The following ITPR2 variants were observed in gnomAD, a reference collection of about 807,000 sequenced individuals.
ITPR2 encodes the protein inositol 1,4,5-trisphosphate receptor type 2, also known as inositol 1,4,5-trisphosphate-gated calcium channel ITPR2.
A neutral mutation model predicts 317.1 loss-of-function variants in ITPR2; 207 were observed. That is an observed-to-expected ratio of 0.65 (90% CI 0.58 to 0.73). ITPR2 has a LOEUF of 0.73. Among genes scored for constraint, ITPR2 ranks in the 30% least tolerant of loss-of-function variants. The pLI, the probability that ITPR2 is intolerant of heterozygous loss-of-function variation, is 0.00. For missense variants in ITPR2, 2,613 were observed against 3,284.0 expected, an observed-to-expected ratio of 0.80 and a Z score of 4.99; for synonymous variants, 1,156 against 1,149.1, an observed-to-expected ratio of 1.01 and a Z score of -0.12.
chr12:26,663,567 A>T, intron 15 of ITPR2, 118 bp downstream of exon 15: 1 of 1,003,482 alleles, frequency 1.0e-6, no homozygotes, highest in African/African-American at 1.6e-5. Flanking sequence ...CCAACATAAA[A>T]TATTTCATTT....
intron 37 of ITPR2, among the ~76,000 whole-genome samples, chr12:26,525,910 C>T (rs997849450): frequency 6.6e-6 from 1 of 152,176 alleles, no homozygotes; most frequent in African/African-American, 2.4e-5. Context: ...TAATTCAACC[C>T]TAAGCCCCAA....
intron 37 of ITPR2, among the ~76,000 whole-genome samples, chr12:26,500,897 A>T (rs1056896859): frequency 6.6e-6 from 1 of 152,212 alleles, no homozygotes; most frequent in Non-Finnish European, 1.5e-5. Flanking sequence ...TGAAGACTTC[A>T]AGGATGTGTG....
Position 26,656,576 on chromosome 12 carries a change from T to C in ITPR2, c.2193-28A>G, listed in dbSNP as rs745728753. The C allele has an allele frequency of 6.8e-6, 11 of 1,609,974 alleles. No homozygotes were observed. In the African/African-American group the frequency reaches 1.3e-4, roughly 20 times the overall value. ...TAAAAATGGTAAACATATTACATTA[T>C]TGTCTTATCTCAAGGAAATCTTTAA... On this transcript the variant is annotated intron_variant, in intron 18 of 56. Transcript: ENST00000381340.
intron 42 of ITPR2, 100 bp downstream of exon 42, chr12:26,483,598 T>A: frequency 1.2e-6 from 1 of 835,586 alleles, no homozygotes; most frequent in Non-Finnish European, 2.0e-6. Flanking sequence ...AGTAAAAATG[T>A]CTGGCAAAGC....
chr12:26,511,391 G>C (rs912951807), intron 37 of ITPR2, among the ~76,000 whole-genome samples: 1 of 152,170 alleles, frequency 6.6e-6, no homozygotes, highest in Non-Finnish European at 1.5e-5. Flanking sequence ...TTCTCCTTCA[G>C]AGTAAATTTA....
Position 26,440,217 on chromosome 12 carries a change from A to AAAC in ITPR2, c.6451-901_6451-899dup, listed in dbSNP as rs549040091. Among the ~76,000 whole-genome samples, 156 of 152,166 alleles carry AAAC rather than the reference A, an allele frequency of 1.0e-3. 1 individual carries two copies. Among genetic ancestry groups the AAAC allele is most frequent in the East Asian group, 3.3e-3 (17 of 5,190 alleles). ...GGCAGAGAGCCATAAGAGACACACA[A>AAAC]AACAACAACAACAACAACAACAACC... On this transcript the variant is annotated intron_variant, in intron 46 of 56. Coordinates refer to ENST00000381340, the MANE Select transcript of ITPR2 (RefSeq NM_002223.4).
chr12:26,554,741 T>C (rs1223333341), intron 36 of ITPR2, among the ~76,000 whole-genome samples: 1 of 152,124 alleles, frequency 6.6e-6, no homozygotes, highest in Non-Finnish European at 1.5e-5. Context: ...TTATAGGAGA[T>C]GAAGGGTATT....
At chr12:26,710,883 T>C (rs1408211395) in intron 9 of ITPR2, among the ~76,000 whole-genome samples, 1 of 152,166 alleles carries the variant, frequency 6.6e-6, no homozygotes, top group Non-Finnish European at 1.5e-5. Context: ...AATAGAAAAT[T>C]TTAGGCCACA....
At chr12:26,459,151 G>A (rs182376918) in intron 45 of ITPR2, among the ~76,000 whole-genome samples, 222 of 152,302 alleles carry the variant, frequency 1.5e-3, no homozygotes, top group South Asian at 0.011. Context: ...GGAAATCTAG[G>A]AGGGTGGACA....
chr12:26,371,478 C>G (rs892627222), intron 55 of ITPR2, among the ~76,000 whole-genome samples: 3 of 152,204 alleles, frequency 2.0e-5, no homozygotes, highest in African/African-American at 7.2e-5. Context: ...CAGGTAACAA[C>G]TCCACAGGCA....
At chr12:26,443,295 T>C (rs76763585) in intron 46 of ITPR2, among the ~76,000 whole-genome samples, 9,950 of 152,070 alleles carry the variant, frequency 0.065, 435 homozygotes, top group South Asian at 0.11. Flanking sequence ...GCTTCTACAG[T>C]TAAAAAACAT....
intron 1 of ITPR2, among the ~76,000 whole-genome samples, chr12:26,825,591 CA>C (rs1950997753): frequency 6.6e-6 from 1 of 152,108 alleles, no homozygotes. Flanking sequence ...AGAATAAAGC[CA>C]AGCAGTTACC....
intron 36 of ITPR2, among the ~76,000 whole-genome samples, chr12:26,555,218 A>C (rs890036732): frequency 2.0e-4 from 31 of 152,376 alleles, no homozygotes; most frequent in African/African-American, 7.2e-4. Context: ...ATGGTGAAAG[A>C]AAGGAACACA....
chr12:26,426,529 GCC>G (rs952452937), intron 49 of ITPR2, among the ~76,000 whole-genome samples: 11 of 152,134 alleles, frequency 7.2e-5, no homozygotes, highest in Admixed American at 2.0e-4. Context: ...GACAACTTCT[GCC>G]CTCAAGAAAC....
At chr12:26,773,381 T>C (rs1460038348) in intron 2 of ITPR2, among the ~76,000 whole-genome samples, 1 of 152,220 alleles carries the variant, frequency 6.6e-6, no homozygotes, top group East Asian at 1.9e-4. Flanking sequence ...ACTCACTTCA[T>C]ATACACCATG....
intron 37 of ITPR2, among the ~76,000 whole-genome samples, chr12:26,544,560 A>G (rs993460004): frequency 2.1e-5 from 2 of 96,050 alleles, no homozygotes; most frequent in Non-Finnish European, 6.3e-5. Flanking sequence ...TACCAGTTTC[A>G]CACATAGACA....
At chr12:26,441,948 C>G (rs1233982819) in intron 46 of ITPR2, among the ~76,000 whole-genome samples, 4 of 151,896 alleles carry the variant, frequency 2.6e-5, no homozygotes, top group Non-Finnish European at 2.9e-5. Context: ...ATATAGAGAT[C>G]TATATGTATG....
intron 37 of ITPR2, among the ~76,000 whole-genome samples, chr12:26,496,208 G>A (rs982313912): frequency 6.6e-6 from 1 of 152,140 alleles, no homozygotes. Context: ...TAAGGAAACT[G>A]TGGCCCAAGA....
At position 26,561,800 on chromosome 12, in the gene ITPR2, G is replaced by T; in HGVS notation, c.4783C>A (p.Pro1595Thr). The change falls in exon 35 of 57, where the codon CCT becomes ACT. Residue 1595 changes from proline (P) to threonine (T), a missense_variant. Coordinates refer to ENST00000381340, the MANE Select transcript of ITPR2 (RefSeq NM_002223.4). ...GPRFKEALGGPAWDYRNIIEK... is the reference protein window; with the variant it reads ...GPRFKEALGGTAWDYRNIIEK... ...ATAATATTTCTGTAATCCCAAGCAG[G>T]CCCTCCAAGAGCTTCCTTAAAGCGT... is the stretch of plus-strand genomic sequence containing the variant. The T allele has an allele frequency of 6.3e-7, 1 of 1,586,488 alleles. No homozygotes were observed. The highest frequency in any genetic ancestry group is 1.2e-5 in the South Asian group (1 of 83,682).
Sources: gnomAD v4.1 joint callset for allele counts (sites outside exome capture counted in the v4.1 genomes callset) on GRCh38, gnomAD v4.1.1 for gene constraint, MANE v1.5 for transcripts, NCBI Gene and HGNC (gene_info 2026-07-23, HGNC 2026-07-21) for gene names.